The following DLG2 variants were observed in gnomAD, a reference collection of about 807,000 sequenced individuals.
The protein encoded by DLG2 is discs large MAGUK scaffold protein 2.
In DLG2, 45 loss-of-function variants were observed where a neutral mutation model predicts 132.5. The observed-to-expected ratio is 0.34, with a 90% confidence interval of 0.27 to 0.44. The LOEUF is 0.44. Among genes scored for constraint, DLG2 ranks in the 20% least tolerant of loss-of-function variants. The probability of loss-of-function intolerance (pLI) is 1.00; values close to 1 mark genes in which losing one functional copy is unlikely to be tolerated. For missense variants in DLG2, 1,045 were observed against 1,196.9 expected, an observed-to-expected ratio of 0.87 and a Z score of 1.87; for synonymous variants, 424 against 419.6, an observed-to-expected ratio of 1.01 and a Z score of -0.13.
rs1233952551 is a variant in DLG2, at chr11:83,480,719, T to C, written c.2293+3410A>G. 1.1e-5 allele frequency: 12 copies of C among 1,126,616 alleles called. No homozygotes were observed. The East Asian group carries it at 3.1e-4, about 29-fold the overall frequency. The allele number at this position is 1,126,616 out of a possible 1,614,324, so 69.8% of individuals were successfully genotyped here. A position where few individuals can be genotyped will look rare whatever the true frequency, so the allele number is the denominator to read the frequency against. ...AAATACTATGACCCATTCATATACC[T>C]CTGACTTTCAAGATTTATGTGACAA... On this transcript the variant is annotated intron_variant, in intron 22 of 27. Coordinates refer to ENST00000376104, the MANE Select transcript of DLG2 (RefSeq NM_001142699.3).
intron 3 of DLG2, among the ~76,000 whole-genome samples, chr11:85,530,507 G>C (rs773780421): frequency 6.6e-6 from 1 of 151,602 alleles, no homozygotes; most frequent in Non-Finnish European, 1.5e-5. Context: ...ATTTTTAGTA[G>C]AAATGGGGTT....
At chr11:84,986,666 G>A (rs2056525508) in intron 6 of DLG2, among the ~76,000 whole-genome samples, 7 of 152,126 alleles carry the variant, frequency 4.6e-5, no homozygotes. Context: ...AAAATCACAT[G>A]ATCATCTCAA....
intron 5 of DLG2, among the ~76,000 whole-genome samples, chr11:85,112,331 A>C (rs1002816343): frequency 3.9e-5 from 6 of 152,034 alleles, no homozygotes; most frequent in African/African-American, 1.4e-4. Context: ...TCTTTATACA[A>C]AAGAAATTTA....
intron 9 of DLG2, among the ~76,000 whole-genome samples, chr11:84,115,999 T>C (rs778390493): frequency 2.0e-5 from 3 of 152,254 alleles, no homozygotes; most frequent in African/African-American, 4.8e-5. Context: ...TAAGAAGCGG[T>C]AATAGAGTGA....
intron 3 of DLG2, among the ~76,000 whole-genome samples, chr11:85,511,933 A>T (rs1469098796): frequency 6.6e-6 from 1 of 151,978 alleles, no homozygotes; most frequent in East Asian, 1.9e-4. Context: ...GGGTCTTAGT[A>T]TGTTGCCCAG....
chr11:84,461,514 A>T (rs912291231), intron 7 of DLG2, among the ~76,000 whole-genome samples: 12 of 151,084 alleles, frequency 7.9e-5, no homozygotes, highest in Non-Finnish European at 1.6e-4. Context: ...ATAAATGACC[A>T]GAAATAGGGA....
intron 4 of DLG2, among the ~76,000 whole-genome samples, chr11:85,231,657 C>G (rs992976083): frequency 2.0e-5 from 3 of 151,826 alleles, no homozygotes; most frequent in African/African-American, 7.2e-5. Flanking sequence ...GAGTTTCATT[C>G]TGGCAGGCAG....
intron 6 of DLG2, among the ~76,000 whole-genome samples, chr11:84,746,048 A>G (rs1050670104): frequency 6.6e-6 from 1 of 152,160 alleles, no homozygotes; most frequent in Non-Finnish European, 1.5e-5. Context: ...AGTGAGAGGT[A>G]CAAAAATGGA....
chr11:84,300,771 A>G (rs2098142493), intron 7 of DLG2, among the ~76,000 whole-genome samples: 1 of 152,244 alleles, frequency 6.6e-6, no homozygotes, highest in Non-Finnish European at 1.5e-5. Flanking sequence ...TCAATTTTTA[A>G]CCTATCAAAT....
chr11:84,413,919 C>A (rs1290294898), intron 7 of DLG2, among the ~76,000 whole-genome samples: 1 of 152,124 alleles, frequency 6.6e-6, no homozygotes, highest in Non-Finnish European at 1.5e-5. Flanking sequence ...CCTTCAATTT[C>A]ATTCAAGGGT....
chr11:83,919,409 T>C (rs1157848620), intron 15 of DLG2, among the ~76,000 whole-genome samples: 1 of 152,082 alleles, frequency 6.6e-6, no homozygotes, highest in Admixed American at 6.6e-5. Context: ...TAAATACAAA[T>C]CTATATATAG....
At chr11:83,938,552 T>A (rs1830338510) in intron 14 of DLG2, among the ~76,000 whole-genome samples, 1 of 152,194 alleles carries the variant, frequency 6.6e-6, no homozygotes, top group South Asian at 2.1e-4. Context: ...CCATAGTTGA[T>A]AAGAAGTTAT....
intron 3 of DLG2, among the ~76,000 whole-genome samples, chr11:85,434,469 C>T (rs2091369815): frequency 6.6e-6 from 1 of 151,154 alleles, no homozygotes; most frequent in South Asian, 2.1e-4. Flanking sequence ...AAAATAGACA[C>T]AATAAAAAAT....
chr11:84,918,532 G>A (rs1207197242), intron 6 of DLG2, among the ~76,000 whole-genome samples: 2 of 152,128 alleles, frequency 1.3e-5, no homozygotes. Flanking sequence ...CAGAGAGGGT[G>A]GGGTGTTTGG....
At chr11:85,161,917 G>C (rs2078058871) in intron 4 of DLG2, among the ~76,000 whole-genome samples, 1 of 152,164 alleles carries the variant, frequency 6.6e-6, no homozygotes, top group Non-Finnish European at 1.5e-5. Flanking sequence ...GAATCAAGGG[G>C]TGGAAGTGGA....
At chr11:85,287,361 T>A (rs1025526191) in intron 3 of DLG2, among the ~76,000 whole-genome samples, 7 of 152,104 alleles carry the variant, frequency 4.6e-5, no homozygotes. Flanking sequence ...TGGTAAAAGT[T>A]ATGAGCAGGC....
chr11:85,336,002 A>T (rs78632424), intron 3 of DLG2: 1 of 152,162 alleles, frequency 6.6e-6, no homozygotes, highest in Non-Finnish European at 1.5e-5. Flanking sequence ...ATAGGCCTCC[A>T]ATCTTTTCTC....
At chr11:83,924,964 T>C (rs2078684617) in intron 15 of DLG2, among the ~76,000 whole-genome samples, 1 of 152,242 alleles carries the variant, frequency 6.6e-6, no homozygotes, top group Admixed American at 6.5e-5. Context: ...GCCATTTCTT[T>C]GTGTATGTTA....
chr11:84,115,383 G>C (rs1477097985), intron 9 of DLG2, among the ~76,000 whole-genome samples: 1 of 152,192 alleles, frequency 6.6e-6, no homozygotes, highest in Non-Finnish European at 1.5e-5. Context: ...GGGAGGTGGA[G>C]GTAGGCAAAG....
Sources: allele counts gnomAD v4.1 joint callset (sites outside exome capture counted in the v4.1 genomes callset), GRCh38; gene constraint gnomAD v4.1.1; transcripts MANE v1.5; gene names NCBI Gene and HGNC (gene_info 2026-07-23, HGNC 2026-07-21).